RASL12: variants seen among roughly 807,000 people sequenced by gnomAD.
RASL12 encodes the protein ras-like protein family member 12.
RASL12 carries 16 observed loss-of-function variants against 22.9 expected under a neutral mutation model. That is an observed-to-expected ratio of 0.70 (90% confidence interval 0.47 to 1.06). The LOEUF (loss-of-function observed/expected upper bound fraction) is 1.06. RASL12 is among the 50% of genes least tolerant of loss of function. The pLI is 0.00. For missense variants in RASL12, 306 were observed against 353.1 expected (o/e 0.87, Z 1.07); for synonymous variants, 159 against 152.2 (o/e 1.04, Z -0.33).
chr15:65,050,808 TC>T (rs1482880307), downstream of RASL12, among the ~76,000 whole-genome samples: 1 of 148,516 alleles, frequency 6.7e-6, no homozygotes, highest in Non-Finnish European at 1.5e-5. Context: ...CTTCTTTCTT[TC>T]CTTTTTTTTT....
intron 1 of RASL12, among the ~76,000 whole-genome samples, chr15:65,073,118 C>T (rs1415976807): frequency 2.6e-5 from 4 of 152,160 alleles, no homozygotes; most frequent in Admixed American, 6.5e-5. Context: ...CAACAAAAAA[C>T]ACAGTGGTAT....
At chr15:65,052,399 CTTTTTT>C (rs34021026), downstream of RASL12, among the ~76,000 whole-genome samples, 3 of 76,344 alleles carry the variant, frequency 3.9e-5, no homozygotes, top group East Asian at 8.7e-4. Context: ...GCATCCTTGG[CTTTTTT>C]TTTTTTTTTT....
chr15:65,073,156 T>C (rs1002406562), intron 1 of RASL12, among the ~76,000 whole-genome samples: 10 of 152,180 alleles, frequency 6.6e-5, no homozygotes, highest in African/African-American at 2.4e-4. Flanking sequence ...GTCCCCAACC[T>C]TTTTGGCACC....
chr15:65,054,909 T>C lies in RASL12; in HGVS notation c.791A>G (p.Lys264Arg), dbSNP rs1216056506. The C allele has an allele frequency of 6.8e-6, 11 of 1,611,038 alleles. No individual in the cohort carries two copies. In the South Asian group the frequency reaches 8.8e-5, roughly 13 times the overall value. The change falls in exon 5 of 5, where the codon AAG becomes AGG. Residue 264 changes from lysine (K) to arginine (R), a missense_variant. Coordinates refer to ENST00000220062, the MANE Select transcript of RASL12 (RefSeq NM_016563.4). ...APTLTLLKGF[K>R]IF ...CCTGGGGAGGGGGCCTCAGAAGATC[T>C]TGAAGCCCTTCAGGAGAGTCAGGGT... is the stretch of plus-strand genomic sequence containing the variant.
upstream of RASL12, among the ~76,000 whole-genome samples, chr15:65,071,643 G>C (rs1033014588): frequency 6.6e-6 from 1 of 152,128 alleles, no homozygotes; most frequent in Non-Finnish European, 1.5e-5. Flanking sequence ...ATCAAGCCAA[G>C]AGCAAACTTC....
chr15:65,063,908 CA>C (rs1336488038), intron 2 of RASL12, among the ~76,000 whole-genome samples: 2 of 152,142 alleles, frequency 1.3e-5, no homozygotes, highest in Non-Finnish European at 2.9e-5. Flanking sequence ...GCAGGGAGCG[CA>C]GGGGGTTTCC....
chr15:65,067,697 C>T (rs1457183897), intron 1 of RASL12, 36 bp downstream of exon 1: 9 of 1,522,144 alleles, frequency 5.9e-6, no homozygotes, highest in African/African-American at 1.4e-5. Flanking sequence ...CGCCCAGCTC[C>T]GCACTTGGCG....
At chr15:65,053,031 A>T, downstream of RASL12, 1 of 1,614,030 alleles carries the variant, frequency 6.2e-7, no homozygotes, top group Non-Finnish European at 8.5e-7. Context: ...GAGGCCAAGG[A>T]TCACAACAGC....
At chr15:65,070,376 TCTGG>T (rs760744285), upstream of RASL12, among the ~76,000 whole-genome samples, 163 of 152,376 alleles carry the variant, frequency 1.1e-3, no homozygotes, top group Admixed American at 2.0e-3. Context: ...TGTCTACTCC[TCTGG>T]ATATAAATAG....
At chr15:65,053,050 C>G, downstream of RASL12, 1 of 1,614,052 alleles carries the variant, frequency 6.2e-7, no homozygotes, top group Non-Finnish European at 8.5e-7. Flanking sequence ...GCCTAAACAA[C>G]CTAAGAGAAA....
At chr15:65,050,371 G>A (rs2086634188), downstream of RASL12, among the ~76,000 whole-genome samples, 1 of 152,128 alleles carries the variant, frequency 6.6e-6, no homozygotes, top group South Asian at 2.1e-4. Context: ...CTCAGCACTG[G>A]GGCGACAATA....
Position 65,054,717 on chromosome 15 carries a change from A to C in RASL12, c.*182T>G. ...CCATGAAGACCAAGGCCTGGAGGGA[A>C]CAGAAGCAGCATCCCTGCCTGCCAC... On this transcript the variant is annotated 3_prime_UTR_variant, in exon 5 of 5. Coordinates refer to ENST00000220062, the MANE Select transcript of RASL12 (RefSeq NM_016563.4). 1 of 1,427,742 alleles carries C rather than the reference A, an allele frequency of 7.0e-7. No homozygotes were observed. Among genetic ancestry groups the C allele is most frequent in the Non-Finnish European group, 9.1e-7 (1 of 1,094,704 alleles). The allele number at this position is 1,427,742 out of a possible 1,614,324, so 88.4% of individuals were successfully genotyped here.
chr15:65,056,587 G>A (rs907338892), intron 4 of RASL12, among the ~76,000 whole-genome samples: 9 of 152,176 alleles, frequency 5.9e-5, no homozygotes, highest in African/African-American at 1.4e-4. Context: ...CCATGTGTGC[G>A]TGCATGTGTG....
At position 65,054,841 on chromosome 15, in the gene RASL12, C is replaced by T. The variant is rs2086703820; in HGVS notation, c.*58G>A. On this transcript the variant is annotated 3_prime_UTR_variant, in exon 5 of 5. Transcript: ENST00000220062. ...GAAAGGCTGGTGGTGAGAAGCCAGT[C>T]CCTGTCCTGCTGCAGTCCTGTCCAG... The T allele has an allele frequency of 6.4e-7, 1 of 1,552,504 alleles. No individual in the cohort carries two copies. The highest frequency in any genetic ancestry group is 8.7e-7 in the Non-Finnish European group (1 of 1,149,788).
At chr15:65,074,149 A>T (rs2086949435) in intron 1 of RASL12, among the ~76,000 whole-genome samples, 1 of 152,224 alleles carries the variant, frequency 6.6e-6, no homozygotes, top group Non-Finnish European at 1.5e-5. Flanking sequence ...AAGCCAAATT[A>T]AAACCCTGGT....
At chr15:65,061,292 T>C (rs747934568) in intron 2 of RASL12, among the ~76,000 whole-genome samples, 20 of 152,224 alleles carry the variant, frequency 1.3e-4, no homozygotes, top group Non-Finnish European at 2.1e-4. Context: ...GTGTTCACAA[T>C]GGGACCCCCT....
upstream of RASL12, among the ~76,000 whole-genome samples, chr15:65,070,579 C>G (rs1299775477): frequency 1.3e-5 from 2 of 152,194 alleles, no homozygotes; most frequent in Non-Finnish European, 2.9e-5. Flanking sequence ...GATGTGGCAC[C>G]AGGCCCAGCA....
At chr15:65,071,415 A>C (rs1482065583), upstream of RASL12, among the ~76,000 whole-genome samples, 3 of 152,160 alleles carry the variant, frequency 2.0e-5, no homozygotes, top group South Asian at 4.1e-4. Context: ...TCCCAGAGGG[A>C]CACTCAGTGT....
At chr15:65,063,907 G>C (rs889040633) in intron 2 of RASL12, among the ~76,000 whole-genome samples, 7 of 152,196 alleles carry the variant, frequency 4.6e-5, no homozygotes, top group African/African-American at 1.7e-4. Context: ...TGCAGGGAGC[G>C]CAGGGGGTTT....
Sources: gnomAD v4.1 joint callset for allele counts (sites outside exome capture counted in the v4.1 genomes callset) on GRCh38, gnomAD v4.1.1 for gene constraint, MANE v1.5 for transcripts, NCBI Gene and HGNC (gene_info 2026-07-23, HGNC 2026-07-21) for gene names.